TELO2: variants seen among roughly 807,000 people sequenced by gnomAD.
TELO2 encodes the protein telomere maintenance 2, also known as telomere length regulation protein TEL2 homolog.
TELO2 carries 71 observed loss-of-function variants against 91.0 expected under a neutral mutation model. The ratio of observed to expected loss-of-function variants is 0.78; its 90% CI spans 0.64 to 0.95. The LOEUF is 0.95. TELO2 is among the 40% of genes least tolerant of loss of function. The probability of loss-of-function intolerance (pLI) is 0.00; values close to 1 mark genes in which losing one functional copy is unlikely to be tolerated. For synonymous variants in TELO2, 584 were observed against 518.9 expected, an observed-to-expected ratio of 1.13 and a Z score of -1.71; for missense variants, 1,183 against 1,141.3, an observed-to-expected ratio of 1.04 and a Z score of -0.53.
At position 1,493,473 on chromosome 16, in the gene TELO2, C is replaced by T. The variant is rs886323724; in HGVS notation, c.-169C>T. 1 of 152,270 alleles carries T rather than the reference C, an allele frequency of 6.6e-6. No homozygotes were observed. Among genetic ancestry groups the T allele is most frequent in the African/African-American group, 2.4e-5 (1 of 41,466 alleles). 9.4% of individuals were successfully genotyped at this position (152,270 alleles called of 1,614,324 possible). On this transcript the variant is annotated 5_prime_UTR_variant, in exon 1 of 21. Coordinates refer to ENST00000262319, the MANE Select transcript of TELO2 (RefSeq NM_016111.4). This position sits in a 1 kb window ranked among gnomAD's most constrained non-coding sequence, Gnocchi z 4.3. ...GGAGCCTCGCCCGGACCCAGGAACT[C>T]GTGCTCGGGGCCAACCGGCTGGGCC...
At position 1,509,817 on chromosome 16, in the gene TELO2, T is replaced by TC; in HGVS notation, c.2408-12dup. On this transcript the variant is annotated splice_polypyrimidine_tract_variant and intron_variant, in intron 20 of 20. Coordinates refer to ENST00000262319, the MANE Select transcript of TELO2 (RefSeq NM_016111.4). The stretch of plus-strand genomic sequence containing the variant: ...ACGCTGCCTCAGCTTTGCTTGTCAC[T>TC]CTCGTCTGGCAGACGTGGCTGAGAA... 1 of 1,607,166 alleles carries TC rather than the reference T, an allele frequency of 6.2e-7. No individual in the cohort carries two copies. The highest frequency in any genetic ancestry group is 8.5e-7 in the Non-Finnish European group (1 of 1,177,666).
At chr16:1,506,441 C>A in intron 17 of TELO2, 112 bp downstream of exon 17, 1 of 1,581,892 alleles carries the variant, frequency 6.3e-7, no homozygotes, top group South Asian at 1.1e-5. Flanking sequence ...TGAACAGGGT[C>A]GTGCTTTGCT....
Position 1,500,117 on chromosome 16 carries a change from C to T in TELO2, c.955C>T (p.Leu319=). 6.2e-7 allele frequency: 1 copy of T among 1,608,888 alleles called. No individual in the cohort carries two copies. The highest frequency in any genetic ancestry group is 2.2e-5 in the East Asian group (1 of 44,856). The change falls in exon 7 of 21, where the codon CTG becomes TTG. Residue 319 remains leucine, a synonymous_variant. Transcript: ENST00000262319. ...GCAGACGCCCATGCTGCAGAGCCTG[C>T]TGGGCCATCTGGCCATGGACAGCCA... ...RLTTPMLQSL[L]GHLAMDSQRR... is the part of the protein sequence containing the mutation.
intron 3 of TELO2, 51 bp from the exon 4 acceptor site, chr16:1,496,985 C>A (rs1555470094): frequency 6.3e-7 from 1 of 1,585,896 alleles, no homozygotes; most frequent in Admixed American, 1.7e-5. Flanking sequence ...CCTAGATGTT[C>A]TTTTGTGCCT....
At chr16:1,507,211 T>A in intron 18 of TELO2, 95 bp from the exon 19 acceptor site, 1 of 1,532,574 alleles carries the variant, frequency 6.5e-7, no homozygotes, top group Non-Finnish European at 8.9e-7. Context: ...GCAGGCCCTG[T>A]CCCTGCTGCT....
chr16:1,495,706 T>C, intron 3 of TELO2, 83 bp downstream of exon 3: 2 of 1,497,434 alleles, frequency 1.3e-6, no homozygotes, highest in Non-Finnish European at 1.8e-6. Context: ...CCTCACGGCC[T>C]CTGGAGACTT....
rs1284081917 is a variant in TELO2 at position 1,500,276 on chromosome 16, GA to G, written c.1003-70del. On this transcript the variant is annotated intron_variant, in intron 7 of 20. Coordinates refer to ENST00000262319, the MANE Select transcript of TELO2 (RefSeq NM_016111.4). ...GCTGGGCTGGGGCGGAGCTCCCTCA[GA>G]GTGGCTGTGGGCCTGGCGGGGACAG... 7 of 1,534,012 alleles carry G rather than the reference GA, an allele frequency of 4.6e-6. No homozygotes were observed. In the African/African-American group the frequency reaches 9.6e-5, roughly 21 times the overall value.
Position 1,502,062 on chromosome 16 carries a change from C to T in TELO2, c.1488C>T (p.Val496=), listed in dbSNP as rs1001233363. 2 of 1,613,324 alleles carry T rather than the reference C, an allele frequency of 1.2e-6. No individual in the cohort carries two copies. The highest frequency in any genetic ancestry group is 1.7e-6 in the Non-Finnish European group (2 of 1,179,970). The change falls in exon 12 of 21, where the codon GTC becomes GTT. Residue 496 remains valine (V), a synonymous_variant. Coordinates refer to ENST00000262319, the MANE Select transcript of TELO2 (RefSeq NM_016111.4). ...TCTCCCACAGCGATGATGAGTTTGT[C>T]CCCTACGACATGTCGGGGGACAGAG... ...DSDLDSDDEF[V]PYDMSGDREL...
chr16:1,501,752 G>T lies in TELO2; in HGVS notation c.1451G>T (p.Gly484Val), dbSNP rs2039690921. ...GGCGTCCCCCAAGCACAGCTGGCGG[G>T]CTCTGACTCGGACCTGGACAGGTAG... is the stretch of plus-strand genomic sequence containing the variant. ...DGGVPQAQLAGSDSDLDSDDE... is the reference protein window; with the variant it reads ...DGGVPQAQLAVSDSDLDSDDE... The change falls in exon 11 of 21, where the codon GGC becomes GTC. Residue 484 changes from glycine (G) to valine (V), a missense_variant. Gly to Val is a moderately radical substitution (Grantham distance 109, BLOSUM62 -3). Coordinates refer to ENST00000262319, the MANE Select transcript of TELO2 (RefSeq NM_016111.4). 1.2e-6 allele frequency: 2 copies of T among 1,610,006 alleles called. No homozygotes were observed. The highest frequency in any genetic ancestry group is 1.1e-5 in the South Asian group (1 of 91,042).
intron 15 of TELO2, among the ~76,000 whole-genome samples, chr16:1,504,130 A>T (rs1442533003): frequency 7.7e-6 from 1 of 130,480 alleles, no homozygotes; most frequent in East Asian, 3.0e-4. Flanking sequence ...GTCTCTTTAA[A>T]AAAAAAAAAA....
chr16:1,503,126 CGTGA>C, intron 15 of TELO2, 124 bp downstream of exon 15: 1 of 1,067,878 alleles, frequency 9.4e-7, no homozygotes, highest in Non-Finnish European at 1.4e-6. Context: ...CCACTGCCTT[CGTGA>C]GTGTGTGACC....
chr16:1,494,214 G>A lies in TELO2; in HGVS notation c.-36-32G>A. The A allele has an allele frequency of 2.7e-6, 4 of 1,470,230 alleles. No individual in the cohort carries two copies. The highest frequency in any genetic ancestry group is 2.8e-5 in the African/African-American group (2 of 72,012). 91.1% of individuals were successfully genotyped at this position (1,470,230 alleles called of 1,614,324 possible). ...CTGAGCTTGTGTGGATTATTTCCGT[G>A]CCCCAAGCTGAGCCCTGTGTCCATG... On this transcript the variant is annotated intron_variant, in intron 1 of 20. Coordinates refer to ENST00000262319, the MANE Select transcript of TELO2 (RefSeq NM_016111.4). This position sits in a 1 kb window ranked among gnomAD's most constrained non-coding sequence, Gnocchi z 5.6.
chr16:1,506,993 T>G lies in TELO2; in HGVS notation c.2168T>G (p.Val723Gly), dbSNP rs767780001. 1.9e-6 allele frequency: 3 copies of G among 1,612,256 alleles called. No individual in the cohort carries two copies. In the South Asian group the frequency reaches 3.3e-5, roughly 18 times the overall value. ...TFDLLGEDQL[V>G]LGRLAHTLGA... ...GACCTCTTGGGAGAAGACCAGCTGG[T>G]TCTCGGAAGGCTGGCGCACACCTTA... Residue 723 changes from valine (V) to glycine (G), a missense_variant, in exon 18 of 21, where the codon GTT becomes GGT. Val to Gly is a moderately radical substitution (Grantham distance 109). Coordinates refer to ENST00000262319, the MANE Select transcript of TELO2 (RefSeq NM_016111.4).
intron 11 of TELO2, 36 bp downstream of exon 11, chr16:1,501,809 G>T: frequency 6.3e-7 from 1 of 1,585,952 alleles, no homozygotes; most frequent in Non-Finnish European, 8.6e-7. Flanking sequence ...CAGCGTGCAG[G>T]AGGCCGGGAG....
rs1187013377 is a variant in TELO2 at position 1,495,428 on chromosome 16, C to T, written c.418C>T (p.Gln140Ter). The change falls in exon 3 of 21, where the codon CAG becomes TAG. Residue 140 changes from glutamine to a stop codon, truncating the protein, a stop_gained. Transcript: ENST00000262319. LOFTEE classifies it high-confidence loss of function. ...EGRLAVLMEA[Q>*]CRQQTQPGFI... ...CCGGCTGGCAGTGCTGATGGAGGCG[C>T]AGTGTCGGCAGCAGACGCAGCCCGG... The T allele has an allele frequency of 3.1e-6, 5 of 1,598,716 alleles. No homozygotes were observed. The highest frequency in any genetic ancestry group is 2.3e-5 in the East Asian group (1 of 43,906).
Position 1,494,567 on chromosome 16 carries a change from G to A in TELO2, c.286G>A (p.Ala96Thr). The change falls in exon 2 of 21, where the codon GCG becomes ACG. Residue 96 changes from alanine (A) to threonine (T), a missense_variant. Physicochemically the swap from Ala to Thr is moderately conservative, Grantham distance 58 (BLOSUM62 0). Coordinates refer to ENST00000262319, the MANE Select transcript of TELO2 (RefSeq NM_016111.4). This position sits in a 1 kb window ranked among gnomAD's most constrained non-coding sequence, Gnocchi z 5.6. Reference protein sequence around the residue: ...LWASFFLEGPADQAFLVLMET... With the variant: ...LWASFFLEGPTDQAFLVLMET... ...GGCCAGCTTCTTCCTGGAGGGCCCG[G>A]CGGACCAAGCCTTCCTGGTGTTGAT... is the stretch of plus-strand genomic sequence containing the variant. 1 of 1,613,564 alleles carries A rather than the reference G, an allele frequency of 6.2e-7. No homozygotes were observed. The highest frequency in any genetic ancestry group is 1.1e-5 in the South Asian group (1 of 91,068).
rs191046613 is a variant in TELO2 at position 1,504,209 on chromosome 16, C to T, written c.1843-1201C>T. ...CAGCACTTTGGGAGGCTAAGCCGGG[C>T]GGATCATGAGGTCAGGAGTTCAAGA... is the stretch of plus-strand genomic sequence containing the variant. On this transcript the variant is annotated intron_variant, in intron 15 of 20. Transcript: ENST00000262319. Among the ~76,000 whole-genome samples, 14 of 149,984 alleles carry T rather than the reference C, an allele frequency of 9.3e-5. No homozygotes were observed. The East Asian group carries it at 1.2e-3, about 13-fold the overall frequency.
intron 15 of TELO2, among the ~76,000 whole-genome samples, chr16:1,503,820 G>A (rs1017196040): frequency 2.6e-5 from 4 of 152,228 alleles, no homozygotes; most frequent in Admixed American, 1.3e-4. Flanking sequence ...TTAATGCCAC[G>A]GAACTGTACA....
rs2039724029 is a variant in TELO2 at position 1,502,405 on chromosome 16, G to A, written c.1653+1G>A. On this transcript the variant is annotated splice_donor_variant, in intron 13 of 20. Coordinates refer to ENST00000262319, the MANE Select transcript of TELO2 (RefSeq NM_016111.4). LOFTEE classifies it high-confidence loss of function. ...CAGGAGCCCCACAGCCACTCGGGAG[G>A]TGAGTGGGGGGCGGGAGTGGGTGGG... is the stretch of plus-strand genomic sequence containing the variant. 6.3e-7 allele frequency: 1 copy of A among 1,592,856 alleles called. No individual in the cohort carries two copies. Among genetic ancestry groups the A allele is most frequent in the African/African-American group, 1.3e-5 (1 of 74,678 alleles).
Sources: gnomAD v4.1 joint callset for allele counts (sites outside exome capture counted in the v4.1 genomes callset) on GRCh38, gnomAD v4.1.1 for gene constraint, Gnocchi (gnomAD v3.1) non-coding constraint, MANE v1.5 for transcripts, NCBI Gene and HGNC (gene_info 2026-07-23, HGNC 2026-07-21) for gene names.